The following LHFPL3 variants were observed in gnomAD, a reference collection of about 807,000 sequenced individuals.
The protein encoded by LHFPL3 is LHFPL tetraspan subfamily member 3 protein.
Under a neutral mutation model 19.3 loss-of-function variants are expected in LHFPL3, and 5 were observed. The ratio of observed to expected loss-of-function variants is 0.26; its 90% CI spans 0.14 to 0.54. The LOEUF is 0.54. LHFPL3 is among the 20% of genes least tolerant of loss of function. The probability of loss-of-function intolerance (pLI) is 0.94; values close to 1 mark genes in which losing one functional copy is unlikely to be tolerated. For synonymous variants in LHFPL3, 133 were observed against 126.2 expected, an observed-to-expected ratio of 1.05 and a Z score of -0.36; for missense variants, 249 against 307.4, an observed-to-expected ratio of 0.81 and a Z score of 1.42.
intron 2 of LHFPL3, among the ~76,000 whole-genome samples, chr7:104,899,099 T>C (rs1003618622): frequency 2.1e-5 from 3 of 142,758 alleles, no homozygotes; most frequent in Non-Finnish European, 4.4e-5. Flanking sequence ...TGAGACCCCA[T>C]CTCTAATATA....
intron 1 of LHFPL3, among the ~76,000 whole-genome samples, chr7:104,352,554 T>A (rs1158276405): frequency 6.6e-6 from 1 of 152,158 alleles, no homozygotes; most frequent in African/African-American, 2.4e-5. Flanking sequence ...TCATGTACAA[T>A]GCATGTCCCC....
intron 1 of LHFPL3, among the ~76,000 whole-genome samples, chr7:104,566,851 A>G (rs371287860): frequency 6.6e-6 from 1 of 152,220 alleles, no homozygotes; most frequent in East Asian, 1.9e-4. Context: ...GTAACTCCCC[A>G]TTTCAAATCT....
intron 1 of LHFPL3, among the ~76,000 whole-genome samples, chr7:104,701,778 T>A (rs1793107171): frequency 6.6e-6 from 1 of 152,246 alleles, no homozygotes; most frequent in Non-Finnish European, 1.5e-5. Context: ...CTACTCAGCA[T>A]CTAATGAATT....
At chr7:104,827,658 C>T (rs1310681522) in intron 2 of LHFPL3, among the ~76,000 whole-genome samples, 2 of 151,434 alleles carry the variant, frequency 1.3e-5, no homozygotes, top group African/African-American at 4.9e-5. Context: ...AGAAGCTGAC[C>T]TTTCCATAGA....
intron 1 of LHFPL3, among the ~76,000 whole-genome samples, chr7:104,564,913 G>T (rs1184467865): frequency 6.6e-6 from 1 of 152,168 alleles, no homozygotes; most frequent in Admixed American, 6.5e-5. Context: ...AGACTTAGTT[G>T]TTGGCCATGT....
chr7:104,556,941 G>A (rs183753699), intron 1 of LHFPL3, among the ~76,000 whole-genome samples: 13 of 152,290 alleles, frequency 8.5e-5, no homozygotes, highest in African/African-American at 2.6e-4. Flanking sequence ...GAATGCCCCA[G>A]TCTCTTTGCT....
chr7:104,666,797 C>T (rs1362949486), intron 1 of LHFPL3, among the ~76,000 whole-genome samples: 2 of 152,112 alleles, frequency 1.3e-5, no homozygotes, highest in East Asian at 3.9e-4. Flanking sequence ...GCTGGGATTA[C>T]AGGCGTGAGC....
chr7:104,902,604 T>C (rs1285509596), intron 2 of LHFPL3, among the ~76,000 whole-genome samples: 1 of 151,960 alleles, frequency 6.6e-6, no homozygotes, highest in Non-Finnish European at 1.5e-5. Context: ...CTGGCCAACA[T>C]GGTGAAACCC....
At chr7:104,720,139 C>T (rs373730469) in intron 1 of LHFPL3, among the ~76,000 whole-genome samples, 1 of 151,948 alleles carries the variant, frequency 6.6e-6, no homozygotes, top group South Asian at 2.1e-4. Flanking sequence ...CTAATCTCAG[C>T]AGGCCTGCCT....
At chr7:104,341,783 G>A (rs2116367403) in intron 1 of LHFPL3, among the ~76,000 whole-genome samples, 1 of 152,226 alleles carries the variant, frequency 6.6e-6, no homozygotes. Context: ...TTGTACTTCT[G>A]AGAACTTTGC....
chr7:104,685,962 G>A (rs1165204672), intron 1 of LHFPL3, among the ~76,000 whole-genome samples: 1 of 152,204 alleles, frequency 6.6e-6, no homozygotes, highest in East Asian at 1.9e-4. Flanking sequence ...AGTGTATTAG[G>A]TAGAAATACC....
intron 2 of LHFPL3, among the ~76,000 whole-genome samples, chr7:104,856,499 C>G (rs1791509808): frequency 6.6e-6 from 1 of 152,068 alleles, no homozygotes; most frequent in Non-Finnish European, 1.5e-5. Flanking sequence ...CCACCTGCCT[C>G]AGCCTCCCAA....
chr7:104,518,020 C>CA (rs916867734), intron 1 of LHFPL3, among the ~76,000 whole-genome samples: 5 of 151,222 alleles, frequency 3.3e-5, no homozygotes, highest in African/African-American at 7.3e-5. Context: ...TATAATAATT[C>CA]AAAAAAAACC....
At chr7:104,384,787 CAAAAAAAAAAA>C (rs771136918) in intron 1 of LHFPL3, among the ~76,000 whole-genome samples, 1 of 74,564 alleles carries the variant, frequency 1.3e-5, no homozygotes, top group African/African-American at 5.3e-5. Flanking sequence ...AACTCTATTT[CAAAAAAAAAAA>C]AAAAAAAAAA....
chr7:104,689,765 C>G (rs1476329626), intron 1 of LHFPL3, among the ~76,000 whole-genome samples: 2 of 152,152 alleles, frequency 1.3e-5, no homozygotes, highest in African/African-American at 4.8e-5. Context: ...TTGTGGTCCT[C>G]CAGTTACAGT....
At chr7:104,697,607 C>G (rs553700762) in intron 1 of LHFPL3, among the ~76,000 whole-genome samples, 1 of 152,170 alleles carries the variant, frequency 6.6e-6, no homozygotes, top group Non-Finnish European at 1.5e-5. Context: ...ATTCATTTGA[C>G]TTTTCAAAAA....
rs372301906 is a variant in LHFPL3 at position 104,479,539 on chromosome 7, C to T, written c.445+150315C>T. ...CCTGAGTAGCTGGGATTACAGGTGC[C>T]CACCACCATGCCTGGCTAATTTTTG... On this transcript the variant is annotated intron_variant, in intron 1 of 2. Coordinates refer to ENST00000424859, the MANE Select transcript of LHFPL3 (RefSeq NM_199000.3). Among the ~76,000 whole-genome samples the T allele has an allele frequency of 2.3e-4, 35 of 152,128 alleles. No individual in the cohort carries two copies. In the East Asian group the frequency reaches 5.8e-3, roughly 25 times the overall value.
At chr7:104,800,634 C>G (rs1317171226) in intron 2 of LHFPL3, among the ~76,000 whole-genome samples, 1 of 152,138 alleles carries the variant, frequency 6.6e-6, no homozygotes, top group Admixed American at 6.5e-5. Flanking sequence ...TTAACTGTCC[C>G]TTTAGATCCC....
intron 1 of LHFPL3, among the ~76,000 whole-genome samples, chr7:104,726,178 A>G (rs990093547): frequency 6.6e-6 from 1 of 151,826 alleles, no homozygotes. Flanking sequence ...TGAGACTGTG[A>G]TATTGACCTC....
Sources: allele counts gnomAD v4.1 joint callset (sites outside exome capture counted in the v4.1 genomes callset), GRCh38; gene constraint gnomAD v4.1.1; transcripts MANE v1.5; gene names NCBI Gene and HGNC (gene_info 2026-07-23, HGNC 2026-07-21).